NUCKS1: variants seen among roughly 807,000 people sequenced by gnomAD.
NUCKS1 encodes nuclear casein kinase and cyclin dependent kinase substrate 1.
Under a neutral mutation model 33.0 loss-of-function variants are expected in NUCKS1, and 2 were observed. The observed-to-expected ratio is 0.06, with a 90% CI of 0.02 to 0.19. NUCKS1 has a LOEUF of 0.19. Ranked by LOEUF, NUCKS1 falls within the 10% of genes least tolerant of loss-of-function variation. The pLI is 1.00. For synonymous variants in NUCKS1, 106 were observed against 102.8 expected (o/e 1.03, Z -0.19); for missense variants, 201 against 293.6 (o/e 0.68, Z 2.31).
chr1:205,726,645 A>G (rs1653783794), intron 3 of NUCKS1, among the ~76,000 whole-genome samples: 1 of 152,234 alleles, frequency 6.6e-6, no homozygotes, highest in African/African-American at 2.4e-5. Context: ...TCCAATGGTT[A>G]AACAATGTAC....
chr1:205,737,338 C>A (rs1394706857), intron 1 of NUCKS1, among the ~76,000 whole-genome samples: 5 of 152,164 alleles, frequency 3.3e-5, no homozygotes, highest in Non-Finnish European at 7.3e-5. Flanking sequence ...CCTGATCCTG[C>A]CATTTCAGCA....
rs1671788540 is a variant in NUCKS1 at position 205,714,285 on chromosome 1, T to G, written c.*3995A>C. The G allele has an allele frequency of 6.6e-6, 1 of 151,992 alleles. No individual in the cohort carries two copies. Among genetic ancestry groups the G allele is most frequent in the South Asian group, 2.1e-4 (1 of 4,816 alleles). The allele number at this position is 151,992 out of a possible 1,614,324, so 9.4% of individuals were successfully genotyped here. On this transcript the variant is annotated 3_prime_UTR_variant, in exon 7 of 7. Transcript: ENST00000367142. Reference sequence around the variant, plus strand: ...AAAAGGAACAACAAAAAAATCCCAATTTTACCCTCCCCCAATAATCTAGAA... The same window carrying G: ...AAAAGGAACAACAAAAAAATCCCAAGTTTACCCTCCCCCAATAATCTAGAA...
chr1:205,742,839 A>T (rs1333898400), intron 1 of NUCKS1, among the ~76,000 whole-genome samples: 1 of 152,010 alleles, frequency 6.6e-6, no homozygotes, highest in African/African-American at 2.4e-5. Flanking sequence ...AAAAAAAAAT[A>T]AATAAATAAA....
At chr1:205,746,453 T>TCACACACACACA (rs1216661558) in intron 1 of NUCKS1, among the ~76,000 whole-genome samples, 1 of 124,510 alleles carries the variant, frequency 8.0e-6, no homozygotes, top group African/African-American at 3.1e-5. Context: ...TCTCTCTCTC[T>TCACACACACACA]CACACACACA....
chr1:205,747,010 T>C (rs1380996566), intron 1 of NUCKS1, among the ~76,000 whole-genome samples: 1 of 152,206 alleles, frequency 6.6e-6, no homozygotes, highest in Admixed American at 6.5e-5. Flanking sequence ...CTGAGCTTTC[T>C]TTCTCACCTC....
intron 1 of NUCKS1, among the ~76,000 whole-genome samples, chr1:205,735,694 G>A (rs1654016689): frequency 6.6e-6 from 1 of 152,180 alleles, no homozygotes. Context: ...TAACAAGAGT[G>A]TTGAGAACAT....
intron 1 of NUCKS1, among the ~76,000 whole-genome samples, chr1:205,747,905 G>A (rs930757051): frequency 2.6e-5 from 4 of 151,408 alleles, no homozygotes; most frequent in Non-Finnish European, 5.9e-5. Flanking sequence ...CATGAATAAA[G>A]ACTTCTTTTA....
chr1:205,729,169 A>G (rs1417181961), intron 2 of NUCKS1, among the ~76,000 whole-genome samples: 1 of 152,156 alleles, frequency 6.6e-6, no homozygotes. Context: ...GGGTTTCACC[A>G]TGTTGGCCAG....
intron 1 of NUCKS1, 32 bp from the exon 2 acceptor site, chr1:205,729,653 TA>T: frequency 6.6e-7 from 1 of 1,504,522 alleles, no homozygotes; most frequent in Non-Finnish European, 9.2e-7. Context: ...ATTAAAATCA[TA>T]AAACTGTAGG....
In NUCKS1 at chr1:205,750,140, G is replaced by A. The variant is rs1053019622; in HGVS notation, c.-167C>T. ...CGCTGCTCTTTGGTTCAGGGCTCCTGGAACAGACGAGCCCCCCGCTCCCCC... is the reference window on the plus strand; with the variant it reads ...CGCTGCTCTTTGGTTCAGGGCTCCTAGAACAGACGAGCCCCCCGCTCCCCC... On this transcript the variant is annotated 5_prime_UTR_variant, in exon 1 of 7. Coordinates refer to ENST00000367142, the MANE Select transcript of NUCKS1 (RefSeq NM_022731.5). The A allele has an allele frequency of 5.7e-6, 4 of 699,190 alleles. No homozygotes were observed. The Admixed American group carries it at 9.9e-5, about 17-fold the overall frequency. 43.3% of individuals were successfully genotyped at this position (699,190 alleles called of 1,614,324 possible).
At chr1:205,741,968 TCTGATTTTATAGAAC>T (rs1435211821) in intron 1 of NUCKS1, among the ~76,000 whole-genome samples, 1 of 152,224 alleles carries the variant, frequency 6.6e-6, no homozygotes, top group Non-Finnish European at 1.5e-5. Flanking sequence ...TCTGATAGTC[TCTGATTTTATAGAAC>T]CAAGTTTCTC....
chr1:205,719,983 C>A (rs1671892683), intron 5 of NUCKS1, among the ~76,000 whole-genome samples: 1 of 152,236 alleles, frequency 6.6e-6, no homozygotes. Flanking sequence ...GTAGTTCCAT[C>A]ACTTCCAAGT....
intron 1 of NUCKS1, among the ~76,000 whole-genome samples, chr1:205,749,746 GGGGC>G (rs1046975571): frequency 6.6e-6 from 1 of 151,222 alleles, no homozygotes; most frequent in Non-Finnish European, 1.5e-5. Flanking sequence ...GCAGCGGCGC[GGGGC>G]GGGGAGGGGC....
chr1:205,730,575 G>A (rs1261716987), intron 1 of NUCKS1, among the ~76,000 whole-genome samples: 1 of 150,498 alleles, frequency 6.6e-6, no homozygotes, highest in Non-Finnish European at 1.5e-5. Context: ...TGCAACCTCT[G>A]CCTCCCAAGT....
chr1:205,734,262 C>CA (rs1465383793), intron 1 of NUCKS1, among the ~76,000 whole-genome samples: 1 of 152,092 alleles, frequency 6.6e-6, no homozygotes, highest in Non-Finnish European at 1.5e-5. Context: ...TTTCAACAAA[C>CA]AGAACTACAG....
intron 4 of NUCKS1, among the ~76,000 whole-genome samples, chr1:205,722,495 G>T (rs370721201): frequency 1.8e-4 from 28 of 152,316 alleles, no homozygotes; most frequent in Middle Eastern, 3.4e-3. Context: ...GACCTCAGGT[G>T]ATCCACCTGC....
chr1:205,740,513 A>G (rs1429663571), intron 1 of NUCKS1, among the ~76,000 whole-genome samples: 2 of 151,746 alleles, frequency 1.3e-5, no homozygotes, highest in African/African-American at 4.8e-5. Context: ...TACTTGGGAG[A>G]CTGAGGTGGG....
chr1:205,750,147 A>C lies in NUCKS1; in HGVS notation c.-174T>G. ...CTTTGGTTCAGGGCTCCTGGAACAG[A>C]CGAGCCCCCCGCTCCCCCGTCTCTT... On this transcript the variant is annotated 5_prime_UTR_variant, in exon 1 of 7. Coordinates refer to ENST00000367142, the MANE Select transcript of NUCKS1 (RefSeq NM_022731.5). 3.2e-6 allele frequency: 2 copies of C among 631,772 alleles called. No individual in the cohort carries two copies. The highest frequency in any genetic ancestry group is 5.6e-6 in the Non-Finnish European group (2 of 357,486). 39.1% of individuals were successfully genotyped at this position (631,772 alleles called of 1,614,324 possible). A position where few individuals can be genotyped will look rare whatever the true frequency, so the allele number is the denominator to read the frequency against.
chr1:205,718,587 T>A, intron 6 of NUCKS1, 108 bp from the exon 7 acceptor site: 1 of 1,501,046 alleles, frequency 6.7e-7, no homozygotes, highest in Non-Finnish European at 8.9e-7. Flanking sequence ...AAAGACAATA[T>A]GCAACTTACT....
Sources: gnomAD v4.1 joint callset for allele counts (sites outside exome capture counted in the v4.1 genomes callset) on GRCh38, gnomAD v4.1.1 for gene constraint, MANE v1.5 for transcripts, NCBI Gene and HGNC (gene_info 2026-07-23, HGNC 2026-07-21) for gene names.